The following ROBO1 variants were observed in gnomAD, a reference collection of about 807,000 sequenced individuals.
ROBO1 encodes roundabout guidance receptor 1, also known as roundabout homolog 1.
Under a neutral mutation model 195.9 loss-of-function variants are expected in ROBO1, and 149 were observed. The observed-to-expected ratio is 0.76, with a 90% confidence interval of 0.67 to 0.87. The LOEUF is 0.87. Among genes scored for constraint, ROBO1 ranks in the 40% least tolerant of loss-of-function variants. The probability of loss-of-function intolerance (pLI) is 0.00; values close to 1 mark genes in which losing one functional copy is unlikely to be tolerated. For missense variants in ROBO1, 1,933 were observed against 2,068.3 expected, an observed-to-expected ratio of 0.93 and a Z score of 1.27; for synonymous variants, 816 against 733.2, an observed-to-expected ratio of 1.11 and a Z score of -1.82.
intron 3 of ROBO1, among the ~76,000 whole-genome samples, chr3:78,999,184 G>A (rs972487059): frequency 1.3e-5 from 2 of 151,986 alleles, no homozygotes; most frequent in Admixed American, 6.6e-5. Flanking sequence ...ACTTAGAACA[G>A]AACTACTATT....
At chr3:79,160,153 G>A (rs377415597) in intron 2 of ROBO1, among the ~76,000 whole-genome samples, 110 of 151,782 alleles carry the variant, frequency 7.2e-4, no homozygotes, top group East Asian at 3.7e-3. Context: ...GTTATTTAAC[G>A]CTATTGTAAA....
rs971234886 is a variant in ROBO1 at position 78,768,534 on chromosome 3, T to C, written c.500-21634A>G. ...TATAATCATTATTAGCATGGTTTGA[T>C]GTTTTTCTATTTCTATATGTACTTG... On this transcript the variant is annotated intron_variant, in intron 4 of 30. Transcript: ENST00000464233. Among the ~76,000 whole-genome samples, 95 of 152,126 alleles carry C rather than the reference T, an allele frequency of 6.2e-4. 1 individual carries two copies. Among genetic ancestry groups the C allele is most frequent in the Admixed American group, 1.3e-4 (2 of 15,276 alleles).
At chr3:79,724,418 G>C (rs1702826378) in intron 1 of ROBO1, among the ~76,000 whole-genome samples, 1 of 152,130 alleles carries the variant, frequency 6.6e-6, no homozygotes, top group Non-Finnish European at 1.5e-5. Flanking sequence ...CTCTCTTCTT[G>C]AGTAACTTGC....
intron 2 of ROBO1, among the ~76,000 whole-genome samples, chr3:79,580,085 G>A (rs1172666052): frequency 6.6e-6 from 1 of 152,056 alleles, no homozygotes; most frequent in Non-Finnish European, 1.5e-5. Flanking sequence ...TCATATACAA[G>A]GAATTCAGTC....
intron 2 of ROBO1, among the ~76,000 whole-genome samples, chr3:79,501,609 T>A (rs1940073944): frequency 6.6e-6 from 1 of 152,218 alleles, no homozygotes; most frequent in Admixed American, 6.5e-5. Flanking sequence ...TCAAAGCTTT[T>A]AGAATAAACC....
intron 4 of ROBO1, among the ~76,000 whole-genome samples, chr3:78,804,427 G>A (rs1327703826): frequency 6.6e-6 from 1 of 151,956 alleles, no homozygotes; most frequent in Non-Finnish European, 1.5e-5. Flanking sequence ...CATCTTCTGT[G>A]TATACAACAT....
chr3:78,664,189 C>T lies in ROBO1; in HGVS notation c.1967-2075G>A, dbSNP rs572527505. The stretch of plus-strand genomic sequence containing the variant: ...TTTGTTCTCCTTCTCCTGAAAGAAA[C>T]GTATGACAATGTAAAAGGTCTTTCT... On this transcript the variant is annotated intron_variant, in intron 14 of 30. Coordinates refer to ENST00000464233, the MANE Select transcript of ROBO1 (RefSeq NM_002941.4). Among the ~76,000 whole-genome samples, 19 of 152,252 alleles carry T rather than the reference C, an allele frequency of 1.2e-4. No homozygotes were observed. In the South Asian group the frequency reaches 2.5e-3, roughly 20 times the overall value.
At chr3:79,067,587 A>T (rs2079024604) in intron 3 of ROBO1, among the ~76,000 whole-genome samples, 1 of 151,816 alleles carries the variant, frequency 6.6e-6, no homozygotes, top group Non-Finnish European at 1.5e-5. Context: ...TACCACATAG[A>T]TCTTAAGATT....
At chr3:79,485,502 C>T (rs982547742) in intron 2 of ROBO1, among the ~76,000 whole-genome samples, 2 of 152,056 alleles carry the variant, frequency 1.3e-5, no homozygotes, top group Non-Finnish European at 2.9e-5. Context: ...ATGGCCTTTC[C>T]TAATACAAAA....
chr3:78,656,859 G>A (rs1707059029), intron 18 of ROBO1, among the ~76,000 whole-genome samples: 1 of 152,106 alleles, frequency 6.6e-6, no homozygotes, highest in Non-Finnish European at 1.5e-5. Context: ...TTCAAGTTTA[G>A]TTGAGATATC....
chr3:78,952,110 AGTTTT>A (rs1405119384), intron 3 of ROBO1, among the ~76,000 whole-genome samples: 2 of 151,588 alleles, frequency 1.3e-5, no homozygotes, highest in East Asian at 1.9e-4. Flanking sequence ...TTTTATTAGT[AGTTTT>A]GTTTTGATCC....
At chr3:79,031,401 T>A (rs1381367830) in intron 3 of ROBO1, among the ~76,000 whole-genome samples, 3 of 152,198 alleles carry the variant, frequency 2.0e-5, no homozygotes, top group African/African-American at 7.2e-5. Context: ...TAAAGGAATA[T>A]CTCAGGCAAC....
chr3:79,635,008 TAAC>T (rs1425915463), intron 1 of ROBO1, among the ~76,000 whole-genome samples: 2 of 152,224 alleles, frequency 1.3e-5, no homozygotes, highest in African/African-American at 4.8e-5. Context: ...TTAGTCTTCA[TAAC>T]AACACTGATA....
chr3:78,925,500 G>A (rs756571774), intron 4 of ROBO1, among the ~76,000 whole-genome samples: 52 of 152,236 alleles, frequency 3.4e-4, no homozygotes, highest in African/African-American at 1.1e-3. Context: ...TAATTTGTGC[G>A]CAATCACTCA....
chr3:78,885,285 G>A (rs1426772602), intron 4 of ROBO1, among the ~76,000 whole-genome samples: 1 of 151,612 alleles, frequency 6.6e-6, no homozygotes, highest in Admixed American at 6.6e-5. Context: ...GGAGGAAGAG[G>A]ATCAGGAAAA....
intron 3 of ROBO1, among the ~76,000 whole-genome samples, chr3:79,055,297 G>A (rs796139193): frequency 2.6e-5 from 4 of 152,096 alleles, no homozygotes; most frequent in Admixed American, 6.6e-5. Context: ...GATAAGACAC[G>A]TGGCCCTGGG....
At chr3:79,029,618 A>G (rs1173193091) in intron 3 of ROBO1, among the ~76,000 whole-genome samples, 1 of 152,206 alleles carries the variant, frequency 6.6e-6, no homozygotes, top group East Asian at 1.9e-4. Flanking sequence ...TTCCTAGAAT[A>G]TCATTAAATG....
intron 2 of ROBO1, among the ~76,000 whole-genome samples, chr3:79,279,961 T>C (rs1482344205): frequency 6.6e-6 from 1 of 152,228 alleles, no homozygotes. Flanking sequence ...TGGATGGAAC[T>C]GAAGGGCATT....
chr3:79,214,445 C>T (rs759273541), intron 2 of ROBO1, among the ~76,000 whole-genome samples: 27 of 151,972 alleles, frequency 1.8e-4, no homozygotes, highest in Non-Finnish European at 3.5e-4. Context: ...TGACTTTGAT[C>T]AAGTTATTTA....
Sources: allele counts gnomAD v4.1 joint callset (sites outside exome capture counted in the v4.1 genomes callset), GRCh38; gene constraint gnomAD v4.1.1; transcripts MANE v1.5; gene names NCBI Gene and HGNC (gene_info 2026-07-23, HGNC 2026-07-21).